The following IGFL2 variants were observed in gnomAD, a reference collection of about 807,000 sequenced individuals.
IGFL2 encodes the protein IGF like family member 2, also known as insulin growth factor-like family member 2.
A neutral mutation model predicts 13.9 loss-of-function variants in IGFL2; 7 were observed. The ratio of observed to expected loss-of-function variants is 0.51; its 90% CI spans 0.29 to 0.95. IGFL2 has a LOEUF of 0.95. Ranked by LOEUF, IGFL2 falls within the 40% of genes least tolerant of loss-of-function variation. IGFL2 has a pLI of 0.08. For missense variants in IGFL2, 138 were observed against 147.8 expected (o/e 0.93, Z 0.34); for synonymous variants, 55 against 55.8 (o/e 0.99, Z 0.07).
intron 1 of IGFL2, among the ~76,000 whole-genome samples, chr19:46,158,395 G>T (rs537931575): frequency 6.6e-6 from 1 of 152,070 alleles, no homozygotes; most frequent in East Asian, 1.9e-4. Flanking sequence ...ATTTTTAGTA[G>T]AGATGGGGTT....
At chr19:46,116,585 C>T in the IGFL2 span, among the ~76,000 whole-genome samples, 1 of 152,186 alleles carries the variant, frequency 6.6e-6, no homozygotes, top group East Asian at 1.9e-4. Flanking sequence ...CTCTGTTGCA[C>T]AGGCTAGTCT....
chr19:46,142,539 AC>A (rs1219675512), upstream of IGFL2, among the ~76,000 whole-genome samples: 1 of 152,200 alleles, frequency 6.6e-6, no homozygotes, highest in African/African-American at 2.4e-5. Flanking sequence ...CAATGAAAAA[AC>A]AATGCACTGT....
the IGFL2 span, among the ~76,000 whole-genome samples, chr19:46,100,105 T>C: frequency 3.9e-5 from 6 of 152,170 alleles, no homozygotes; most frequent in Admixed American, 3.9e-4. Context: ...ACCTACTTTC[T>C]GAAGCCTTCT....
chr19:46,169,917 G>A, the IGFL2 span, among the ~76,000 whole-genome samples: 64 of 150,868 alleles, frequency 4.2e-4, no homozygotes, highest in African/African-American at 9.7e-5. Flanking sequence ...TCAAGTATTT[G>A]TATGATTTGC....
At chr19:46,172,493 T>C in the IGFL2 span, among the ~76,000 whole-genome samples, 1 of 152,050 alleles carries the variant, frequency 6.6e-6, no homozygotes, top group East Asian at 1.9e-4. Flanking sequence ...GTGGAAGAAA[T>C]TTTTTTTCAG....
At chr19:46,143,411 T>A (rs1015663091), upstream of IGFL2, among the ~76,000 whole-genome samples, 2 of 151,558 alleles carry the variant, frequency 1.3e-5, no homozygotes, top group African/African-American at 4.8e-5. Flanking sequence ...TCTTTTTTTT[T>A]TTTTTTGAGA....
chr19:46,185,227 C>A, the IGFL2 span, among the ~76,000 whole-genome samples: 1 of 152,076 alleles, frequency 6.6e-6, no homozygotes, highest in Non-Finnish European at 1.5e-5. Context: ...ATAGTTTCTT[C>A]CTTTTTTCTA....
At chr19:46,197,122 C>T in the IGFL2 span, 64 of 225,652 alleles carry the variant, frequency 2.8e-4, 1 homozygote, top group South Asian at 4.1e-3. Flanking sequence ...ATGACAATGC[C>T]ATCCTGCCCT....
intron 1 of IGFL2, among the ~76,000 whole-genome samples, chr19:46,155,995 T>A (rs1026733136): frequency 5.9e-5 from 9 of 152,212 alleles, no homozygotes; most frequent in Non-Finnish European, 1.2e-4. Context: ...AAAAAAAATA[T>A]GTATAGAGTC....
chr19:46,126,290 T>G, the IGFL2 span, among the ~76,000 whole-genome samples: 1 of 152,236 alleles, frequency 6.6e-6, no homozygotes, highest in Admixed American at 6.5e-5. Context: ...CCCAGATTGG[T>G]TCCTGTGCTT....
the IGFL2 span, among the ~76,000 whole-genome samples, chr19:46,116,606 G>A: frequency 2.6e-5 from 4 of 152,062 alleles, no homozygotes; most frequent in East Asian, 7.7e-4. Flanking sequence ...CGAAATTCTG[G>A]CCCCAAGGAA....
chr19:46,117,839 A>G, the IGFL2 span, among the ~76,000 whole-genome samples: 1 of 152,148 alleles, frequency 6.6e-6, no homozygotes, highest in African/African-American at 2.4e-5. Context: ...GAATGGAGAT[A>G]GCACTTCTTC....
chr19:46,175,092 A>G, the IGFL2 span, among the ~76,000 whole-genome samples: 1 of 152,212 alleles, frequency 6.6e-6, no homozygotes, highest in Non-Finnish European at 1.5e-5. Context: ...AACTTGGTCT[A>G]TATATTCCTC....
chr19:46,145,596 A>ATGTGTGTG (rs1287833769), upstream of IGFL2, among the ~76,000 whole-genome samples: 25 of 58,528 alleles, frequency 4.3e-4, no homozygotes, highest in African/African-American at 1.5e-3. Flanking sequence ...ACACACTCAT[A>ATGTGTGTG]TATATGTGTG....
At chr19:46,084,098 T>C in the IGFL2 span, among the ~76,000 whole-genome samples, 5 of 152,238 alleles carry the variant, frequency 3.3e-5, no homozygotes, top group Non-Finnish European at 7.3e-5. Flanking sequence ...CTTTGTACTG[T>C]TTCTGAAGTT....
At chr19:46,164,867 G>A (rs972073570), downstream of IGFL2, among the ~76,000 whole-genome samples, 3 of 152,214 alleles carry the variant, frequency 2.0e-5, no homozygotes, top group Non-Finnish European at 4.4e-5. Context: ...GGTGGTCAAT[G>A]TAGACAAAGT....
At chr19:46,095,101 C>T in the IGFL2 span, among the ~76,000 whole-genome samples, 2 of 152,024 alleles carry the variant, frequency 1.3e-5, no homozygotes, top group African/African-American at 4.8e-5. Context: ...TGAGGAATTG[C>T]CACTGTTTTC....
the IGFL2 span, chr19:46,124,335 GA>G: frequency 6.2e-7 from 1 of 1,604,304 alleles, no homozygotes; most frequent in Non-Finnish European, 8.5e-7. Context: ...AGGGAGAAAG[GA>G]AAAAGGTTGA....
the IGFL2 span, among the ~76,000 whole-genome samples, chr19:46,170,223 T>C: frequency 6.6e-6 from 1 of 151,644 alleles, no homozygotes; most frequent in East Asian, 1.9e-4. Context: ...TCACTCACTG[T>C]TGTGTATCAG....
Sources: gnomAD v4.1 joint callset for allele counts (sites outside exome capture counted in the v4.1 genomes callset) on GRCh38, gnomAD v4.1.1 for gene constraint, MANE v1.5 for transcripts, NCBI Gene and HGNC (gene_info 2026-07-23, HGNC 2026-07-21) for gene names.